The following H2AX variants were observed in gnomAD, a reference collection of about 807,000 sequenced individuals.
The protein encoded by H2AX is H2A.X variant histone, also known as histone H2AX.
Under a neutral mutation model 8.0 loss-of-function variants are expected in H2AX, and 2 were observed. That is an observed-to-expected ratio of 0.25 (90% CI 0.10 to 0.79). H2AX has a LOEUF of 0.79. Ranked by LOEUF, H2AX falls within the 30% of genes least tolerant of loss-of-function variation. H2AX has a pLI of 0.69. For missense variants in H2AX, 105 were observed against 201.0 expected, an observed-to-expected ratio of 0.52 and a Z score of 2.89; for synonymous variants, 110 against 102.5, an observed-to-expected ratio of 1.07 and a Z score of -0.44.
chr11:119,095,461 C>T lies in H2AX; in HGVS notation c.-67G>A. ...AGAACAGACGCCCGCCGCAGTGTAA[C>T]TGCTGTCGCGCGCGCGCCGCGAGGC... is the stretch of plus-strand genomic sequence containing the variant. On this transcript the variant is annotated 5_prime_UTR_variant, in exon 1 of 1. Coordinates refer to ENST00000530167, the MANE Select transcript of H2AX (RefSeq NM_002105.3). 1 of 1,450,176 alleles carries T rather than the reference C, an allele frequency of 6.9e-7. No individual in the cohort carries two copies. The highest frequency in any genetic ancestry group is 9.0e-7 in the Non-Finnish European group (1 of 1,105,554). 89.8% of individuals were successfully genotyped at this position (1,450,176 alleles called of 1,614,324 possible).
At position 119,095,030 on chromosome 11, in the gene H2AX, C is replaced by T; in HGVS notation, c.365G>A (p.Ser122Asn). The T allele has an allele frequency of 6.2e-7, 1 of 1,613,482 alleles. No homozygotes were observed. Among genetic ancestry groups the T allele is most frequent in the Non-Finnish European group, 8.5e-7 (1 of 1,179,768 alleles). ...GGGCGCCTTCGGCCCCACGGTGGCGCTGGTCTTCTTGGGCAGCAGCACGGC... is the reference window on the plus strand; with the variant it reads ...GGGCGCCTTCGGCCCCACGGTGGCGTTGGTCTTCTTGGGCAGCAGCACGGC... ...IQAVLLPKKTSATVGPKAPSG... is the reference protein window; with the variant it reads ...IQAVLLPKKTNATVGPKAPSG... The change falls in exon 1 of 1, where the codon AGC becomes AAC. Residue 122 changes from serine to asparagine, a missense_variant. Physicochemically the swap from Ser to Asn is conservative, Grantham distance 46. Around this residue, in one of 3 missense-constraint regions of H2AX, gnomAD observed 29 missense variants for 33.9 expected, o/e 0.86. Transcript: ENST00000530167.
rs2134893358 is a variant in H2AX at position 119,095,222 on chromosome 11, T to C, written c.173A>G (p.Tyr58Cys). 6.2e-7 allele frequency: 1 copy of C among 1,613,916 alleles called. No individual in the cohort carries two copies. Among genetic ancestry groups the C allele is most frequent in the South Asian group, 1.1e-5 (1 of 91,082 alleles). The change falls in exon 1 of 1, where the codon TAC (tyrosine) becomes TGC (cysteine). Residue 58 changes from tyrosine (Y) to cysteine (C), a missense_variant. Coordinates refer to ENST00000530167, the MANE Select transcript of H2AX (RefSeq NM_002105.3). ...APVYLAAVLE[Y>C]LTAEILELAG... The stretch of plus-strand genomic sequence containing the variant: ...CAGCTCCAGGATCTCAGCGGTGAGG[T>C]ACTCCAGCACTGCCGCCAGGTACAC...
In H2AX at chr11:119,094,983, G is replaced by T; in HGVS notation, c.412C>A (p.Gln138Lys). Reference protein sequence around the residue: ...KAPSGGKKATQASQEY With the variant: ...KAPSGGKKATKASQEY Reference sequence around the variant, plus strand: ...CCCTCTTAGTACTCCTGGGAGGCCTGGGTGGCCTTCTTGCCGCCCGAGGGC... The same window carrying T: ...CCCTCTTAGTACTCCTGGGAGGCCTTGGTGGCCTTCTTGCCGCCCGAGGGC... Residue 138 changes from glutamine (Q) to lysine (K), a missense_variant, in exon 1 of 1, where the codon CAG becomes AAG. This residue lies in a region of H2AX where 29 missense variants were observed against 33.9 expected (regional missense o/e 0.86). Coordinates refer to ENST00000530167, the MANE Select transcript of H2AX (RefSeq NM_002105.3). 1 of 1,612,316 alleles carries T rather than the reference G, an allele frequency of 6.2e-7. No homozygotes were observed. Among genetic ancestry groups the T allele is most frequent in the Non-Finnish European group, 8.5e-7 (1 of 1,179,258 alleles).
Position 119,095,088 on chromosome 11 carries a change from T to C in H2AX, c.307A>G (p.Ile103Val). Residue 103 changes from isoleucine to valine, a missense_variant, in exon 1 of 1, where the codon ATC becomes GTC. Transcript: ENST00000530167. ...ELNKLLGGVT[I>V]AQGGVLPNIQ... ...TTGGGCAGGACGCCTCCCTGGGCGA[T>C]CGTCACGCCGCCCAGCAGCTTGTTG... The C allele has an allele frequency of 6.2e-7, 1 of 1,613,912 alleles. No individual in the cohort carries two copies. Among genetic ancestry groups the C allele is most frequent in the Non-Finnish European group, 8.5e-7 (1 of 1,179,854 alleles).
In H2AX at chr11:119,095,411, G is replaced by A. The variant is rs751911129; in HGVS notation, c.-17C>T. The stretch of plus-strand genomic sequence containing the variant: ...GCCCGACATGCTAGCGAGGTAGACC[G>A]GTGAAGCACGACGGCTCAAACACTA... On this transcript the variant is annotated 5_prime_UTR_variant, in exon 1 of 1. Transcript: ENST00000530167. 4.6e-6 allele frequency: 7 copies of A among 1,514,804 alleles called. No homozygotes were observed. Among genetic ancestry groups the A allele is most frequent in the Admixed American group, 2.3e-5 (1 of 43,500 alleles). 93.8% of individuals were successfully genotyped at this position (1,514,804 alleles called of 1,614,324 possible).
Position 119,095,360 on chromosome 11 carries a change from C to T in H2AX, c.35G>A (p.Arg12His), listed in dbSNP as rs1266641632. 1.3e-6 allele frequency: 2 copies of T among 1,582,228 alleles called. No homozygotes were observed. Among genetic ancestry groups the T allele is most frequent in the Non-Finnish European group, 1.7e-6 (2 of 1,167,404 alleles). The change falls in exon 1 of 1, where the codon CGC becomes CAC. Residue 12 changes from arginine to histidine, a missense_variant. Physicochemically the swap from Arg to His is conservative, Grantham distance 29. This residue lies in a region of H2AX where 21 missense variants were observed against 22.7 expected (regional missense o/e 0.93). Coordinates refer to ENST00000530167, the MANE Select transcript of H2AX (RefSeq NM_002105.3). ...CGACGAGCGCGACTTGGCCTTGGCG[C>T]GGGCCTTGCCGCCAGTCTTGCCGCG... ...SGRGKTGGKARAKAKSRSSRA... is the reference protein window; with the variant it reads ...SGRGKTGGKAHAKAKSRSSRA...
In H2AX at chr11:119,095,438, A is replaced by T. The variant is rs550302575; in HGVS notation, c.-44T>A. ...TGAAGCACGACGGCTCAAACACTAG[A>T]ACAGACGCCCGCCGCAGTGTAACTG... On this transcript the variant is annotated 5_prime_UTR_variant, in exon 1 of 1. Coordinates refer to ENST00000530167, the MANE Select transcript of H2AX (RefSeq NM_002105.3). 50 of 1,457,642 alleles carry T rather than the reference A, an allele frequency of 3.4e-5. No homozygotes were observed. The highest frequency in any genetic ancestry group is 4.2e-5 in the Non-Finnish European group (47 of 1,111,188). 90.3% of individuals were successfully genotyped at this position (1,457,642 alleles called of 1,614,324 possible). A position where few individuals can be genotyped will look rare whatever the true frequency, so the allele number is the denominator to read the frequency against.
At position 119,094,627 on chromosome 11, in the gene H2AX, C is replaced by CT. The variant is rs1946359154; in HGVS notation, c.*335dup. The CT allele has an allele frequency of 5.0e-6, 1 of 201,478 alleles. No individual in the cohort carries two copies. The highest frequency in any genetic ancestry group is 2.3e-5 in the African/African-American group (1 of 43,016). The allele number at this position is 201,478 out of a possible 1,614,324, so 12.5% of individuals were successfully genotyped here. ...GGCGGGCAGGTGCGGCGCCGCCGGCCTCCCCCCGGCAGGCTCGGGTCTTCC... is the reference window on the plus strand; with the variant it reads ...GGCGGGCAGGTGCGGCGCCGCCGGCCTTCCCCCCGGCAGGCTCGGGTCTTCC... On this transcript the variant is annotated 3_prime_UTR_variant, in exon 1 of 1. Transcript: ENST00000530167.
chr11:119,095,365 C>T lies in H2AX; in HGVS notation c.30G>A (p.Lys10=). The T allele has an allele frequency of 6.3e-7, 1 of 1,581,244 alleles. No individual in the cohort carries two copies. Among genetic ancestry groups the T allele is most frequent in the South Asian group, 1.2e-5 (1 of 86,802 alleles). The part of the protein sequence containing the change: MSGRGKTGG[K]ARAKAKSRSS... The stretch of plus-strand genomic sequence containing the variant: ...AGCGCGACTTGGCCTTGGCGCGGGC[C>T]TTGCCGCCAGTCTTGCCGCGGCCCG... Residue 10 remains lysine (K), a synonymous_variant, in exon 1 of 1, where the codon AAG becomes AAA. Transcript: ENST00000530167.
At position 119,094,978 on chromosome 11, in the gene H2AX, G is replaced by A. The variant is rs1064180; in HGVS notation, c.417C>T (p.Ala139=). 163 of 1,611,982 alleles carry A rather than the reference G, an allele frequency of 1.0e-4. 3 individuals carry two copies. In the Middle Eastern group the frequency reaches 9.5e-3, roughly 94 times the overall value. ...GCGGGCCCTCTTAGTACTCCTGGGA[G>A]GCCTGGGTGGCCTTCTTGCCGCCCG... The part of the protein sequence containing the change: ...APSGGKKATQ[A]SQEY The change falls in exon 1 of 1, where the codon GCC becomes GCT. Residue 139 remains alanine, a synonymous_variant. Transcript: ENST00000530167.
rs1225362540 is a variant in H2AX, at chr11:119,094,863, T to C, written c.*100A>G. The C allele has an allele frequency of 2.4e-6, 3 of 1,269,724 alleles. No homozygotes were observed. In the African/African-American group the frequency reaches 4.6e-5, roughly 19 times the overall value. The allele number at this position is 1,269,724 out of a possible 1,614,324, so 78.7% of individuals were successfully genotyped here. A position where few individuals can be genotyped will look rare whatever the true frequency, so the allele number is the denominator to read the frequency against. The stretch of plus-strand genomic sequence containing the variant: ...GCCGCGGCCCGCTTGCCCCGCAGTC[T>C]GAAGCGGCTCAGCTCTTTCCATGAG... On this transcript the variant is annotated 3_prime_UTR_variant, in exon 1 of 1. Transcript: ENST00000530167.
chr11:119,094,292 T>C lies in H2AX; in HGVS notation c.*671A>G, dbSNP rs1946354418. ...AATGAAGATGGAGGGAGAGCTGATGTGAAAGGCCTGGGTCCCGGCCGCAGA... is the reference window on the plus strand; with the variant it reads ...AATGAAGATGGAGGGAGAGCTGATGCGAAAGGCCTGGGTCCCGGCCGCAGA... On this transcript the variant is annotated 3_prime_UTR_variant, in exon 1 of 1. Transcript: ENST00000530167. 1 of 152,198 alleles carries C rather than the reference T, an allele frequency of 6.6e-6. No homozygotes were observed. Among genetic ancestry groups the C allele is most frequent in the South Asian group, 2.1e-4 (1 of 4,832 alleles). 9.4% of individuals were successfully genotyped at this position (152,198 alleles called of 1,614,324 possible).
chr11:119,094,938 G>A lies in H2AX; in HGVS notation c.*25C>T. On this transcript the variant is annotated 3_prime_UTR_variant, in exon 1 of 1. Transcript: ENST00000530167. The stretch of plus-strand genomic sequence containing the variant: ...CTTTGTGGTGGCATGGGGAGGCCTG[G>A]CGGCCGGCCGCGGCGCGGGCCCTCT... 1 of 1,580,380 alleles carries A rather than the reference G, an allele frequency of 6.3e-7. No homozygotes were observed. Among genetic ancestry groups the A allele is most frequent in the Non-Finnish European group, 8.6e-7 (1 of 1,166,330 alleles).
Position 119,094,768 on chromosome 11 carries a change from C to G in H2AX, c.*195G>C. ...GGCCGACGCGGCAGGCGGTGCGGGACGGGAGCGGGGGCGGGCGGGGACTCG... is the reference window on the plus strand; with the variant it reads ...GGCCGACGCGGCAGGCGGTGCGGGAGGGGAGCGGGGGCGGGCGGGGACTCG... On this transcript the variant is annotated 3_prime_UTR_variant, in exon 1 of 1. Coordinates refer to ENST00000530167, the MANE Select transcript of H2AX (RefSeq NM_002105.3). 1 of 592,934 alleles carries G rather than the reference C, an allele frequency of 1.7e-6. No homozygotes were observed. The highest frequency in any genetic ancestry group is 2.3e-5 in the South Asian group (1 of 43,496). 36.7% of individuals were successfully genotyped at this position (592,934 alleles called of 1,614,324 possible).
rs1018634684 is a variant in H2AX at position 119,095,047 on chromosome 11, C to T, written c.348G>A (p.Leu116=). The T allele has an allele frequency of 6.2e-7, 1 of 1,613,720 alleles. No homozygotes were observed. The highest frequency in any genetic ancestry group is 8.5e-7 in the Non-Finnish European group (1 of 1,179,830). Residue 116 remains leucine (L), a synonymous_variant, in exon 1 of 1, where the codon CTG becomes CTA. Coordinates refer to ENST00000530167, the MANE Select transcript of H2AX (RefSeq NM_002105.3). ...CGGTGGCGCTGGTCTTCTTGGGCAG[C>T]AGCACGGCCTGGATGTTGGGCAGGA... ...GGVLPNIQAV[L]LPKKTSATVG... is the part of the protein sequence containing the mutation.
chr11:119,095,133 T>C lies in H2AX; in HGVS notation c.262A>G (p.Ile88Val). 1.9e-6 allele frequency: 3 copies of C among 1,614,028 alleles called. No individual in the cohort carries two copies. Among genetic ancestry groups the C allele is most frequent in the Non-Finnish European group, 1.7e-6 (2 of 1,179,896 alleles). Residue 88 changes from isoleucine (I) to valine (V), a missense_variant, in exon 1 of 1, where the codon ATC (isoleucine) becomes GTC (valine). Physicochemically the swap from Ile to Val is conservative, Grantham distance 29. Transcript: ENST00000530167. ...TTGTTGAGCTCCTCGTCGTTGCGGA[T>C]GGCCAGCTGCAGGTGGCGGGGGATG... ...RIIPRHLQLAIRNDEELNKLL... is the reference protein window; with the variant it reads ...RIIPRHLQLAVRNDEELNKLL...
rs1274215032 is a variant in H2AX at position 119,094,367 on chromosome 11, C to G, written c.*596G>C. ...ATCGCGTCTCTCCCACCAAAGCCTC[C>G]CGGCCAGCGGCCGCGTCTGAAAGTC... On this transcript the variant is annotated 3_prime_UTR_variant, in exon 1 of 1. Coordinates refer to ENST00000530167, the MANE Select transcript of H2AX (RefSeq NM_002105.3). 1 of 152,292 alleles carries G rather than the reference C, an allele frequency of 6.6e-6. No individual in the cohort carries two copies. Among genetic ancestry groups the G allele is most frequent in the Non-Finnish European group, 1.5e-5 (1 of 68,070 alleles). The allele number at this position is 152,292 out of a possible 1,614,324, so 9.4% of individuals were successfully genotyped here. A position where few individuals can be genotyped will look rare whatever the true frequency, so the allele number is the denominator to read the frequency against.
In H2AX at chr11:119,094,972, C is replaced by T. The variant is rs562640219; in HGVS notation, c.423G>A (p.Gln141=). The part of the protein sequence containing the change: ...SGGKKATQAS[Q]EY ...CGCGGCGCGGGCCCTCTTAGTACTC[C>T]TGGGAGGCCTGGGTGGCCTTCTTGC... The change falls in exon 1 of 1, where the codon CAG becomes CAA. Residue 141 remains glutamine, a synonymous_variant. Transcript: ENST00000530167. 1.9e-6 allele frequency: 3 copies of T among 1,611,316 alleles called. No individual in the cohort carries two copies. In the African/African-American group the frequency reaches 4.0e-5, roughly 22 times the overall value.
In H2AX at chr11:119,095,065, G is replaced by A. The variant is rs759159397; in HGVS notation, c.330C>T (p.Pro110=). The A allele has an allele frequency of 6.2e-6, 10 of 1,613,848 alleles. No individual in the cohort carries two copies. The Admixed American group carries it at 1.7e-4, about 27-fold the overall frequency. ...TGGGCAGCAGCACGGCCTGGATGTT[G>A]GGCAGGACGCCTCCCTGGGCGATCG... ...GVTIAQGGVL[P]NIQAVLLPKK... is the part of the protein sequence containing the mutation. Residue 110 remains proline (P), a synonymous_variant, in exon 1 of 1, where the codon CCC becomes CCT. Transcript: ENST00000530167.
Sources: allele counts gnomAD v4.1 joint callset, GRCh38; gene constraint gnomAD v4.1.1; regional missense constraint gnomAD v4.1.1; transcripts MANE v1.5; gene names NCBI Gene and HGNC (gene_info 2026-07-23, HGNC 2026-07-21).